The following DPP10 variants were observed in gnomAD, a reference collection of about 807,000 sequenced individuals.
The protein encoded by DPP10 is dipeptidyl peptidase like 10, also known as inactive dipeptidyl peptidase 10.
In DPP10, 33 loss-of-function variants were observed where a neutral mutation model predicts 120.9. The ratio of observed to expected loss-of-function variants is 0.27; its 90% CI spans 0.21 to 0.37. The LOEUF (loss-of-function observed/expected upper bound fraction) is 0.37. Ranked by LOEUF, DPP10 falls within the 10% of genes least tolerant of loss-of-function variation. DPP10 has a pLI of 1.00. For synonymous variants in DPP10, 337 were observed against 326.1 expected, an observed-to-expected ratio of 1.03 and a Z score of -0.36; for missense variants, 816 against 942.8, an observed-to-expected ratio of 0.87 and a Z score of 1.76.
intron 1 of DPP10, among the ~76,000 whole-genome samples, chr2:114,822,429 C>T (rs952954951): frequency 2.0e-5 from 3 of 152,094 alleles, no homozygotes; most frequent in Non-Finnish European, 4.4e-5. Context: ...AGCCTCTCAG[C>T]CTGTAATGGG....
At chr2:114,933,407 A>T (rs1238526989) in intron 1 of DPP10, among the ~76,000 whole-genome samples, 1 of 152,212 alleles carries the variant, frequency 6.6e-6, no homozygotes, top group Non-Finnish European at 1.5e-5. Flanking sequence ...TCACCAGTTC[A>T]TAAACGGGGT....
intron 3 of DPP10, among the ~76,000 whole-genome samples, chr2:115,456,292 A>T (rs843416): frequency 0.17 from 26,197 of 151,980 alleles, 5,300 homozygotes; most frequent in African/African-American, 0.48. Flanking sequence ...ATGGCAATCA[A>T]TAAAAAGTCA....
intron 8 of DPP10, among the ~76,000 whole-genome samples, chr2:115,735,835 A>T (rs1676424928): frequency 6.6e-6 from 1 of 151,496 alleles, no homozygotes; most frequent in African/African-American, 2.4e-5. Flanking sequence ...ACTTGGCCCC[A>T]TCCTTTTGTT....
Position 114,742,670 on chromosome 2 carries a change from A to G in DPP10, c.60+299832A>G, listed in dbSNP as rs1338317767. On this transcript the variant is annotated intron_variant, in intron 1 of 25. Coordinates refer to ENST00000410059, the MANE Select transcript of DPP10 (RefSeq NM_020868.6). ...TTGGGTATGCAGAAATCCATTTTGC[A>G]TGCACTCAAATACAGACCACACATT... Among the ~76,000 whole-genome samples, 12 of 152,162 alleles carry G rather than the reference A, an allele frequency of 7.9e-5. No individual in the cohort carries two copies. In the South Asian group the frequency reaches 1.9e-3, roughly 24 times the overall value.
intron 7 of DPP10, among the ~76,000 whole-genome samples, chr2:115,717,983 A>G (rs2092546416): frequency 6.6e-6 from 1 of 152,160 alleles, no homozygotes; most frequent in Admixed American, 6.5e-5. Context: ...AAGGGAAGTC[A>G]GATGTGGAGT....
At chr2:115,327,178 G>C (rs935814663) in intron 2 of DPP10, among the ~76,000 whole-genome samples, 2 of 152,084 alleles carry the variant, frequency 1.3e-5, no homozygotes, top group African/African-American at 2.4e-5. Flanking sequence ...CTAACAGGCA[G>C]TACAGGTTTG....
At chr2:115,657,233 A>G (rs1490658862) in intron 5 of DPP10, among the ~76,000 whole-genome samples, 2 of 151,896 alleles carry the variant, frequency 1.3e-5, no homozygotes, top group East Asian at 3.9e-4. Context: ...TGAGAAGAAT[A>G]GCAGCCATAA....
intron 1 of DPP10, among the ~76,000 whole-genome samples, chr2:114,701,277 T>C (rs1424028206): frequency 7.9e-5 from 12 of 152,016 alleles, no homozygotes; most frequent in Admixed American, 7.9e-4. Flanking sequence ...TACAAAAATC[T>C]CAGGAGATGG....
In DPP10 at chr2:115,039,973, T is replaced by G. The variant is rs546964293; in HGVS notation, c.61-269266T>G. Among the ~76,000 whole-genome samples the G allele has an allele frequency of 4.0e-5, 6 of 151,460 alleles. No individual in the cohort carries two copies. The East Asian group carries it at 1.2e-3, about 30-fold the overall frequency. ...CAGGAGGAAGACTAAGGGAAAAAAA[T>G]GTGCACACAAAATTTTCCAGGTCAA... On this transcript the variant is annotated intron_variant, in intron 1 of 25. Transcript: ENST00000410059.
At chr2:114,701,731 G>A (rs951556690) in intron 1 of DPP10, among the ~76,000 whole-genome samples, 3 of 152,086 alleles carry the variant, frequency 2.0e-5, no homozygotes, top group African/African-American at 4.8e-5. Context: ...GATGGGAATG[G>A]GGGGTGGGCA....
chr2:115,431,542 T>C (rs2070984645), intron 3 of DPP10, among the ~76,000 whole-genome samples: 1 of 152,136 alleles, frequency 6.6e-6, no homozygotes, highest in South Asian at 2.1e-4. Flanking sequence ...GCCAATGATC[T>C]CTGAGTGGGA....
At chr2:114,703,217 C>A (rs1226301964) in intron 1 of DPP10, among the ~76,000 whole-genome samples, 3 of 151,388 alleles carry the variant, frequency 2.0e-5, no homozygotes, top group Admixed American at 1.3e-4. Context: ...CATTCTTTTT[C>A]AAAAAAAATA....
intron 3 of DPP10, among the ~76,000 whole-genome samples, chr2:115,362,672 T>G (rs1195250511): frequency 6.6e-6 from 1 of 152,146 alleles, no homozygotes; most frequent in Non-Finnish European, 1.5e-5. Context: ...AAGTTCAACT[T>G]CAATTCTAAT....
chr2:114,663,668 T>TATATATATAGAGAGAG, intron 1 of DPP10, among the ~76,000 whole-genome samples: 33 of 80,704 alleles, frequency 4.1e-4, no homozygotes, highest in African/African-American at 7.5e-4. Context: ...TATATATATA[T>TATATATATAGAGAGAG]AGAGAGAGAG....
chr2:114,510,801 G>A (rs1684081235), intron 1 of DPP10, among the ~76,000 whole-genome samples: 1 of 152,154 alleles, frequency 6.6e-6, no homozygotes, highest in Non-Finnish European at 1.5e-5. Flanking sequence ...CTGGACAATC[G>A]AAGAGGTTCA....
At chr2:115,442,435 T>C (rs1487508396) in intron 3 of DPP10, among the ~76,000 whole-genome samples, 1 of 152,024 alleles carries the variant, frequency 6.6e-6, no homozygotes, top group Non-Finnish European at 1.5e-5. Flanking sequence ...TAGGATTGTT[T>C]CTGAGTTAGC....
intron 5 of DPP10, among the ~76,000 whole-genome samples, chr2:115,621,162 T>A (rs964674970): frequency 6.6e-6 from 1 of 152,192 alleles, no homozygotes; most frequent in African/African-American, 2.4e-5. Flanking sequence ...TTCTTGAGCA[T>A]CTCTTCTTGA....
intron 1 of DPP10, among the ~76,000 whole-genome samples, chr2:114,792,450 T>C (rs923274959): frequency 1.4e-4 from 21 of 152,166 alleles, no homozygotes; most frequent in African/African-American, 4.8e-4. Context: ...AAGAGGGAAA[T>C]AAGTAGAACT....
intron 1 of DPP10, among the ~76,000 whole-genome samples, chr2:114,950,723 G>T (rs1223263809): frequency 6.6e-6 from 1 of 152,044 alleles, no homozygotes; most frequent in Non-Finnish European, 1.5e-5. Context: ...AAAGATATGT[G>T]TCTCCAGAGC....
Sources: allele counts gnomAD v4.1 joint callset (sites outside exome capture counted in the v4.1 genomes callset), GRCh38; gene constraint gnomAD v4.1.1; transcripts MANE v1.5; gene names NCBI Gene and HGNC (gene_info 2026-07-23, HGNC 2026-07-21).